PXDN: variants seen among roughly 807,000 people sequenced by gnomAD.
PXDN encodes peroxidasin.
In PXDN, 77 loss-of-function variants were observed where a neutral mutation model predicts 140.3. The observed-to-expected ratio is 0.55, with a 90% CI of 0.46 to 0.66. The LOEUF (loss-of-function observed/expected upper bound fraction) is 0.66, where lower values mean the gene tolerates loss of function less well. Ranked by LOEUF, PXDN falls within the 30% of genes least tolerant of loss-of-function variation. PXDN has a pLI of 0.00. For synonymous variants in PXDN, 911 were observed against 857.4 expected (o/e 1.06, Z -1.09); for missense variants, 1,838 against 2,039.5 (o/e 0.90, Z 1.90).
chr2:1,679,482 T>C (rs1467893215), intron 7 of PXDN, among the ~76,000 whole-genome samples: 10 of 142,606 alleles, frequency 7.0e-5, no homozygotes, highest in Non-Finnish European at 1.5e-4. Flanking sequence ...TATAAATGGT[T>C]TGTGTGTAAA....
Position 1,660,220 on chromosome 2 carries a change from T to A in PXDN, c.1837+661A>T, listed in dbSNP as rs1683270620. 6.6e-6 allele frequency among the ~76,000 whole-genome samples: 1 copy of A among 152,186 alleles called. No homozygotes were observed. Among genetic ancestry groups the A allele is most frequent in the East Asian group, 1.9e-4 (1 of 5,172 alleles). ...AAGGGTCAGGGACACATCATGGGCA[T>A]CATGGGGTCTGTGGGTTGAGAAAGA... On this transcript the variant is annotated intron_variant, in intron 14 of 22. Transcript: ENST00000252804. This position sits in a 1 kb window ranked among gnomAD's most constrained non-coding sequence, Gnocchi z 4.6.
At chr2:1,635,578 C>A in intron 21 of PXDN, 57 bp from the exon 22 acceptor site, 1 of 1,246,042 alleles carries the variant, frequency 8.0e-7, no homozygotes, top group East Asian at 2.5e-5. Flanking sequence ...CAGCTTGGCT[C>A]TTGTATTAAA....
rs759576126 is a variant in PXDN at position 1,687,591 on chromosome 2, C to G, written c.416+41G>C. 2 of 1,419,018 alleles carry G rather than the reference C, an allele frequency of 1.4e-6. No individual in the cohort carries two copies. Among genetic ancestry groups the G allele is most frequent in the Non-Finnish European group, 1.9e-6 (2 of 1,028,492 alleles). The allele number at this position is 1,419,018 out of a possible 1,614,324, so 87.9% of individuals were successfully genotyped here. ...TCCCTACAAGAGGAAAACAGCCAGA[C>G]GGCATCCAAGAACTAAAGCACGAAG... On this transcript the variant is annotated intron_variant, in intron 4 of 22. Transcript: ENST00000252804. This position sits in a 1 kb window ranked among gnomAD's most constrained non-coding sequence, Gnocchi z 4.0.
At chr2:1,742,050 C>T (rs968216474) in intron 1 of PXDN, among the ~76,000 whole-genome samples, 1 of 152,190 alleles carries the variant, frequency 6.6e-6, no homozygotes, top group Non-Finnish European at 1.5e-5. Context: ...CACAGCTACA[C>T]CCTCACGTTC....
intron 7 of PXDN, among the ~76,000 whole-genome samples, chr2:1,677,813 C>T (rs113961801): frequency 6.6e-6 from 1 of 152,216 alleles, no homozygotes; most frequent in African/African-American, 2.4e-5. Context: ...CCTCAGTGTG[C>T]GAATCTGTCT....
At chr2:1,666,160 G>T in intron 10 of PXDN, 54 bp downstream of exon 10, 1 of 1,595,166 alleles carries the variant, frequency 6.3e-7, no homozygotes, top group Non-Finnish European at 8.6e-7. Flanking sequence ...CGAGCTAGTG[G>T]AGGGGTGAGG....
At chr2:1,725,308 CA>C (rs1340648938) in intron 1 of PXDN, among the ~76,000 whole-genome samples, 3 of 152,040 alleles carry the variant, frequency 2.0e-5, no homozygotes, top group African/African-American at 7.2e-5. Flanking sequence ...GCAGCAAAAG[CA>C]AAAACAAGCA....
chr2:1,690,298 AC>A (rs1208825030), intron 3 of PXDN, among the ~76,000 whole-genome samples: 1 of 152,072 alleles, frequency 6.6e-6, no homozygotes, highest in African/African-American at 2.4e-5. Flanking sequence ...TGTGTCCTCC[AC>A]CACCAGGGAC....
At chr2:1,718,666 C>T (rs976267748) in intron 1 of PXDN, among the ~76,000 whole-genome samples, 2 of 152,264 alleles carry the variant, frequency 1.3e-5, no homozygotes, top group African/African-American at 2.4e-5. Flanking sequence ...GCAGCACACA[C>T]GGGGTGACAC....
rs1355573304 is a variant in PXDN, at chr2:1,719,833, ATTGT to A, written c.200+24419_200+24422del. Among the ~76,000 whole-genome samples, 44 of 92,564 alleles carry A rather than the reference ATTGT, an allele frequency of 4.8e-4. 3 individuals are homozygous for A. The East Asian group carries it at 0.011, about 23-fold the overall frequency. 60.7% of individuals were successfully genotyped at this position (92,564 alleles called of 152,430 possible). On this transcript the variant is annotated intron_variant, in intron 1 of 22. Coordinates refer to ENST00000252804, the MANE Select transcript of PXDN (RefSeq NM_012293.3). ...CCACAGGATGTGTGTACATGCGTGCATTGTGTGTGTGTGTGTGTGTGTGTGTGTG... is the reference window on the plus strand; with the variant it reads ...CCACAGGATGTGTGTACATGCGTGCAGTGTGTGTGTGTGTGTGTGTGTGTG...
At chr2:1,668,471 G>A (rs1038847185) in intron 9 of PXDN, among the ~76,000 whole-genome samples, 1 of 152,064 alleles carries the variant, frequency 6.6e-6, no homozygotes, top group Non-Finnish European at 1.5e-5. Flanking sequence ...TTACACTAAA[G>A]AGCTTCTGCA....
Position 1,715,573 on chromosome 2 carries a change from C to T in PXDN, c.201-22439G>A, listed in dbSNP as rs950668110. 6.6e-5 allele frequency among the ~76,000 whole-genome samples: 10 copies of T among 152,276 alleles called. 1 individual carries two copies. Among genetic ancestry groups the T allele is most frequent in the Non-Finnish European group, 7.4e-5 (5 of 68,024 alleles). On this transcript the variant is annotated intron_variant, in intron 1 of 22. Coordinates refer to ENST00000252804, the MANE Select transcript of PXDN (RefSeq NM_012293.3). ...ACACGCCACGGTGCCGGGCGGGTGTCGTCCCCAGCATCCCAGAAGCACCAC... is the reference window on the plus strand; with the variant it reads ...ACACGCCACGGTGCCGGGCGGGTGTTGTCCCCAGCATCCCAGAAGCACCAC...
chr2:1,716,429 C>A (rs1021953674), intron 1 of PXDN, among the ~76,000 whole-genome samples: 1 of 116,736 alleles, frequency 8.6e-6, no homozygotes, highest in Non-Finnish European at 1.7e-5. Flanking sequence ...CAGAGTGAGA[C>A]TCCATCTCAG....
intron 1 of PXDN, among the ~76,000 whole-genome samples, chr2:1,704,644 G>C (rs1234529471): frequency 2.1e-5 from 2 of 94,004 alleles, no homozygotes; most frequent in Non-Finnish European, 4.2e-5. Flanking sequence ...CCAGGTGAAG[G>C]GGGGGCAGCT....
At chr2:1,695,237 G>C (rs116471550) in intron 1 of PXDN, among the ~76,000 whole-genome samples, 1,966 of 152,370 alleles carry the variant, frequency 0.013, 19 homozygotes, top group African/African-American at 0.019. Context: ...CCTTTCCCCA[G>C]ATCTGAAGTC....
In PXDN at chr2:1,649,008, G is replaced by A. The variant is rs753849514; in HGVS notation, c.2772C>T (p.Arg924=). ...GGTGGCTGGCCAGGTCGCGGATGCT[G>A]CGGGCCTCATGCTCCGTGCTCCCGT... ...NVYGSTEHEA[R]SIRDLASHRG... Residue 924 remains arginine, a synonymous_variant, in exon 17 of 23, where the codon CGC becomes CGT. Coordinates refer to ENST00000252804, the MANE Select transcript of PXDN (RefSeq NM_012293.3). This position sits in a 1 kb window ranked among gnomAD's most constrained non-coding sequence, Gnocchi z 7.1. 9 of 1,612,584 alleles carry A rather than the reference G, an allele frequency of 5.6e-6. No homozygotes were observed. In the South Asian group the frequency reaches 7.7e-5, roughly 14 times the overall value.
At chr2:1,709,348 G>C (rs1399642119) in intron 1 of PXDN, among the ~76,000 whole-genome samples, 4 of 152,174 alleles carry the variant, frequency 2.6e-5, no homozygotes, top group Non-Finnish European at 5.9e-5. Flanking sequence ...GAGTGCGGGT[G>C]CTTGATCTGA....
chr2:1,644,421 C>A (rs1446438064), intron 18 of PXDN, among the ~76,000 whole-genome samples, 197 bp downstream of exon 18: 1 of 152,172 alleles, frequency 6.6e-6, no homozygotes, highest in East Asian at 1.9e-4. Context: ...AGTTTTGAGG[C>A]TGCAAGGACA....
At chr2:1,743,937 C>G (rs962813676) in intron 1 of PXDN, among the ~76,000 whole-genome samples, 22 of 151,734 alleles carry the variant, frequency 1.4e-4, no homozygotes, top group African/African-American at 4.6e-4. Flanking sequence ...GCGGGGGGAG[C>G]CCCGGAGGCT....
Sources: allele counts gnomAD v4.1 joint callset (sites outside exome capture counted in the v4.1 genomes callset), GRCh38; gene constraint gnomAD v4.1.1; non-coding constraint Gnocchi (gnomAD v3.1); transcripts MANE v1.5; gene names NCBI Gene and HGNC (gene_info 2026-07-23, HGNC 2026-07-21).